ARHGAP42: variants seen among roughly 807,000 people sequenced by gnomAD.
ARHGAP42 encodes the protein rho GTPase-activating protein 42.
ARHGAP42 carries 63 observed loss-of-function variants against 125.0 expected under a neutral mutation model. The observed-to-expected ratio is 0.50, with a 90% CI of 0.41 to 0.62. ARHGAP42 has a LOEUF of 0.62. Among genes scored for constraint, ARHGAP42 ranks in the 20% least tolerant of loss-of-function variants. ARHGAP42 has a pLI of 0.00. For missense variants in ARHGAP42, 766 were observed against 1,024.2 expected (o/e 0.75, Z 3.44); for synonymous variants, 339 against 351.0 (o/e 0.97, Z 0.38).
chr11:100,709,293 G>C (rs1234968712), intron 1 of ARHGAP42, among the ~76,000 whole-genome samples: 1 of 151,440 alleles, frequency 6.6e-6, no homozygotes, highest in Non-Finnish European at 1.5e-5. Flanking sequence ...GCCCGCCTTG[G>C]CCTCCCAGTG....
chr11:100,981,740 A>C (rs914162733), intron 22 of ARHGAP42, among the ~76,000 whole-genome samples: 16 of 152,334 alleles, frequency 1.1e-4, no homozygotes, highest in African/African-American at 3.8e-4. Context: ...GGCCTTAATC[A>C]GGAGAGTAGC....
chr11:100,943,969 C>G, intron 10 of ARHGAP42, 101 bp downstream of exon 10: 1 of 788,186 alleles, frequency 1.3e-6, no homozygotes, highest in Non-Finnish European at 1.9e-6. Flanking sequence ...GTTTTTTAGT[C>G]TTTTAAAAAA....
intron 1 of ARHGAP42, among the ~76,000 whole-genome samples, chr11:100,751,306 G>C (rs1392092239): frequency 7.4e-6 from 1 of 135,596 alleles, no homozygotes; most frequent in East Asian, 2.0e-4. Flanking sequence ...TTTTGAAAGG[G>C]AGCCTTGCTC....
Position 100,948,479 on chromosome 11 carries a change from G to T in ARHGAP42, c.1066G>T (p.Ala356Ser). 7 of 1,549,728 alleles carry T rather than the reference G, an allele frequency of 4.5e-6. No individual in the cohort carries two copies. The highest frequency in any genetic ancestry group is 6.1e-6 in the Non-Finnish European group (7 of 1,145,738). ...VERHGIITLQ[A>S]FSEANRKLWL... is the part of the protein sequence containing the mutation. ...TAGGCATGGGATCATCACGTTACAG[G>T]CCTTCTCAGAAGCTAATAGGAAACT... The change falls in exon 11 of 24, where the codon GCC (alanine) becomes TCC (serine). Residue 356 changes from alanine (A) to serine (S), a missense_variant. Around this residue, in one of 3 missense-constraint regions of ARHGAP42, gnomAD observed 455 missense variants for 636.5 expected, o/e 0.71. Transcript: ENST00000298815.
At chr11:100,957,946 G>T (rs1857847404) in intron 12 of ARHGAP42, among the ~76,000 whole-genome samples, 1 of 152,006 alleles carries the variant, frequency 6.6e-6, no homozygotes, top group Non-Finnish European at 1.5e-5. Flanking sequence ...TTGTTGAAAG[G>T]AAGTTCTATT....
At chr11:100,844,812 G>C (rs560453193) in intron 3 of ARHGAP42, among the ~76,000 whole-genome samples, 10 of 152,242 alleles carry the variant, frequency 6.6e-5, no homozygotes, top group African/African-American at 2.4e-4. Flanking sequence ...TGGATGCAGT[G>C]AACAGGGAAC....
In ARHGAP42 at chr11:100,976,201, C is replaced by G; in HGVS notation, c.2000C>G (p.Thr667Ser). ...EKSGGIPWIATPSSSNGQKSL... is the reference protein window; with the variant it reads ...EKSGGIPWIASPSSSNGQKSL... ...TCTGGAGGGATTCCTTGGATTGCAA[C>G]CCCATCATCTTCCAATGGACAGAAA... The change falls in exon 20 of 24, where the codon ACC becomes AGC. Residue 667 changes from threonine (T) to serine (S), a missense_variant. By Grantham distance (58) the Thr-to-Ser change is moderately conservative. Around this residue, in one of 3 missense-constraint regions of ARHGAP42, gnomAD observed 308 missense variants for 369.7 expected, o/e 0.83. Transcript: ENST00000298815. 1 of 1,551,632 alleles carries G rather than the reference C, an allele frequency of 6.4e-7. No individual in the cohort carries two copies. Among genetic ancestry groups the G allele is most frequent in the Non-Finnish European group, 8.7e-7 (1 of 1,146,920 alleles).
intron 2 of ARHGAP42, among the ~76,000 whole-genome samples, chr11:100,793,112 C>A (rs1863610489): frequency 6.6e-6 from 1 of 152,122 alleles, no homozygotes; most frequent in Admixed American, 6.5e-5. Flanking sequence ...CCAAACTGAC[C>A]TACCTCTTGA....
chr11:100,746,757 T>C lies in ARHGAP42; in HGVS notation c.155-23586T>C, dbSNP rs190043919. Among the ~76,000 whole-genome samples the C allele has an allele frequency of 1.6e-4, 25 of 152,306 alleles. No individual in the cohort carries two copies. The East Asian group carries it at 1.9e-3, about 12-fold the overall frequency. ...TCCAGTGACCTCTGCTCCTAAACCATAGAAGCGCTCTAAAGTGGTGTTAGA... is the reference window on the plus strand; with the variant it reads ...TCCAGTGACCTCTGCTCCTAAACCACAGAAGCGCTCTAAAGTGGTGTTAGA... On this transcript the variant is annotated intron_variant, in intron 1 of 23. Coordinates refer to ENST00000298815, the MANE Select transcript of ARHGAP42 (RefSeq NM_152432.4).
At chr11:100,758,638 A>T (rs1475839539) in intron 1 of ARHGAP42, among the ~76,000 whole-genome samples, 1 of 152,164 alleles carries the variant, frequency 6.6e-6, no homozygotes, top group African/African-American at 2.4e-5. Context: ...CTTTCCAGTC[A>T]TTGTTTACCT....
chr11:100,904,585 TTTTC>T (rs770933809), intron 4 of ARHGAP42, among the ~76,000 whole-genome samples: 18 of 151,740 alleles, frequency 1.2e-4, no homozygotes, highest in Non-Finnish European at 1.9e-4. Flanking sequence ...CTTTGTTCAC[TTTTC>T]TTTCTTTCTT....
chr11:100,865,845 T>G (rs1371165816), intron 4 of ARHGAP42, among the ~76,000 whole-genome samples: 1 of 152,140 alleles, frequency 6.6e-6, no homozygotes, highest in Non-Finnish European at 1.5e-5. Flanking sequence ...GCCTCGATGT[T>G]GATAGCAGCT....
At chr11:100,812,485 G>T (rs11824259) in intron 3 of ARHGAP42, among the ~76,000 whole-genome samples, 5,377 of 152,248 alleles carry the variant, frequency 0.035, 95 homozygotes, top group African/African-American at 0.069. Flanking sequence ...ATTATCAGAT[G>T]GTGATATATA....
At chr11:100,768,691 C>T (rs1045284829) in intron 1 of ARHGAP42, among the ~76,000 whole-genome samples, 1 of 152,110 alleles carries the variant, frequency 6.6e-6, no homozygotes, top group Admixed American at 6.6e-5. Flanking sequence ...ATCAGAGTAG[C>T]TCTGAGAGAT....
intron 3 of ARHGAP42, among the ~76,000 whole-genome samples, chr11:100,813,156 T>A (rs192029191): frequency 6.6e-6 from 1 of 151,838 alleles, no homozygotes; most frequent in African/African-American, 2.4e-5. Flanking sequence ...CAATGATGTG[T>A]CATTGGTAGG....
In ARHGAP42 at chr11:100,768,460, G is replaced by A. The variant is rs1384477165; in HGVS notation, c.155-1883G>A. On this transcript the variant is annotated intron_variant, in intron 1 of 23. Coordinates refer to ENST00000298815, the MANE Select transcript of ARHGAP42 (RefSeq NM_152432.4). Reference sequence around the variant, plus strand: ...GCTCTGCAGGCCCAGCAAGGGTCAGGGACAAGGTGGAGGCCTAGTCAAGAA... The same window carrying A: ...GCTCTGCAGGCCCAGCAAGGGTCAGAGACAAGGTGGAGGCCTAGTCAAGAA... 2.0e-5 allele frequency among the ~76,000 whole-genome samples: 3 copies of A among 152,136 alleles called. No homozygotes were observed. The East Asian group carries it at 5.8e-4, about 29-fold the overall frequency.
At chr11:100,878,922 AG>A (rs1865888712) in intron 4 of ARHGAP42, among the ~76,000 whole-genome samples, 1 of 151,810 alleles carries the variant, frequency 6.6e-6, no homozygotes, top group South Asian at 2.1e-4. Context: ...AAATTCTAGA[AG>A]ATAACATCAG....
chr11:100,754,445 G>A (rs1026127876), intron 1 of ARHGAP42, among the ~76,000 whole-genome samples: 2 of 152,120 alleles, frequency 1.3e-5, no homozygotes, highest in African/African-American at 4.8e-5. Flanking sequence ...GGAACCTTGC[G>A]TTCAGGCCAC....
chr11:100,752,485 T>G, intron 1 of ARHGAP42, among the ~76,000 whole-genome samples: 1 of 152,196 alleles, frequency 6.6e-6, no homozygotes, highest in East Asian at 1.9e-4. Flanking sequence ...TCCCTTAATG[T>G]GGGGCACTCC....
Sources: gnomAD v4.1 joint callset for allele counts (sites outside exome capture counted in the v4.1 genomes callset) on GRCh38, gnomAD v4.1.1 for gene constraint, gnomAD v4.1.1 regional missense constraint, MANE v1.5 for transcripts, NCBI Gene and HGNC (gene_info 2026-07-23, HGNC 2026-07-21) for gene names.